The following DTWD2 variants were observed in gnomAD, a reference collection of about 807,000 sequenced individuals.
The protein encoded by DTWD2 is tRNA-uridine aminocarboxypropyltransferase 2.
DTWD2 carries 39 observed loss-of-function variants against 31.8 expected under a neutral mutation model. The ratio of observed to expected loss-of-function variants is 1.22; its 90% CI spans 0.95 to 1.60. DTWD2 has a LOEUF of 1.60. Among genes scored for constraint, DTWD2 ranks in the 40% most tolerant of loss-of-function variants. The pLI is 0.00. For synonymous variants in DTWD2, 180 were observed against 142.8 expected (o/e 1.26, Z -1.86); for missense variants, 515 against 381.5 (o/e 1.35, Z -2.92).
chr5:118,939,365 T>C (rs1754129447), intron 2 of DTWD2, 75 bp from the exon 3 acceptor site: 2 of 1,239,898 alleles, frequency 1.6e-6, no homozygotes, highest in South Asian at 1.8e-5. Context: ...ATAATGAACA[T>C]CTGATTCATA....
At chr5:118,860,245 T>G (rs907629105) in intron 4 of DTWD2, among the ~76,000 whole-genome samples, 54 of 149,952 alleles carry the variant, frequency 3.6e-4, no homozygotes, top group African/African-American at 1.2e-3. Flanking sequence ...ATTATAATCT[T>G]AAATGAATAT....
Position 118,938,653 on chromosome 5 carries a change from G to A in DTWD2, c.404+543C>T, listed in dbSNP as rs186360601. Among the ~76,000 whole-genome samples the A allele has an allele frequency of 1.5e-3, 232 of 152,100 alleles. 2 individuals carry two copies. Among genetic ancestry groups the A allele is most frequent in the African/African-American group, 5.4e-3 (223 of 41,498 alleles). ...CACTTGAGCCCAGGAGGTGGAGGCT[G>A]CAGTGAGCCAAAATTGCACCACTGC... On this transcript the variant is annotated intron_variant, in intron 3 of 5. Coordinates refer to ENST00000510708, the MANE Select transcript of DTWD2 (RefSeq NM_173666.4).
At chr5:118,881,885 G>T (rs560935850) in intron 4 of DTWD2, among the ~76,000 whole-genome samples, 5 of 152,142 alleles carry the variant, frequency 3.3e-5, no homozygotes, top group Non-Finnish European at 7.3e-5. Flanking sequence ...TTTGGGTGGG[G>T]ACACAGAGTC....
intron 1 of DTWD2, among the ~76,000 whole-genome samples, chr5:118,944,877 A>C (rs551523572): frequency 6.6e-6 from 1 of 152,152 alleles, no homozygotes; most frequent in Non-Finnish European, 1.5e-5. Context: ...AGTACCTCAA[A>C]ACAAAAATCT....
At position 118,871,328 on chromosome 5, in the gene DTWD2, C is replaced by T. The variant is rs146895105; in HGVS notation, c.598-23110G>A. The stretch of plus-strand genomic sequence containing the variant: ...TCCAAACTCCTGTTATTATTTTGAC[C>T]TCCTCCCACGAATCACAAATGTTCT... On this transcript the variant is annotated intron_variant, in intron 4 of 5. Coordinates refer to ENST00000510708, the MANE Select transcript of DTWD2 (RefSeq NM_173666.4). Among the ~76,000 whole-genome samples, 234 of 152,270 alleles carry T rather than the reference C, an allele frequency of 1.5e-3. 2 individuals carry two copies. The highest frequency in any genetic ancestry group is 5.4e-3 in the African/African-American group (225 of 41,572).
intron 4 of DTWD2, among the ~76,000 whole-genome samples, chr5:118,851,427 C>G (rs1281090746): frequency 2.0e-5 from 3 of 151,760 alleles, no homozygotes; most frequent in Non-Finnish European, 4.4e-5. Context: ...ACAAAACCAG[C>G]AAGTTTTATT....
intron 4 of DTWD2, among the ~76,000 whole-genome samples, chr5:118,904,135 T>C (rs1053862884): frequency 6.6e-6 from 1 of 152,076 alleles, no homozygotes; most frequent in African/African-American, 2.4e-5. Flanking sequence ...CCCAGGGCTG[T>C]TGAGATTATG....
chr5:118,875,126 A>C (rs1752592469), intron 4 of DTWD2, among the ~76,000 whole-genome samples: 1 of 152,168 alleles, frequency 6.6e-6, no homozygotes, highest in Admixed American at 6.5e-5. Flanking sequence ...CATACGGAGA[A>C]AAAAGTAAGA....
intron 1 of DTWD2, among the ~76,000 whole-genome samples, chr5:118,986,531 A>G (rs1039030325): frequency 6.6e-6 from 1 of 152,234 alleles, no homozygotes; most frequent in Admixed American, 6.5e-5. Flanking sequence ...AAATAGCCAA[A>G]TAACTGTGAC....
rs1751579148 is a variant in DTWD2, at chr5:118,836,752, G to A, written c.*4165C>T. 6.6e-6 allele frequency among the ~76,000 whole-genome samples: 1 copy of A among 152,114 alleles called. No homozygotes were observed. On this transcript the variant is annotated 3_prime_UTR_variant, in exon 6 of 6. Transcript: ENST00000510708. Reference sequence around the variant, plus strand: ...AGAGCTAGCTCGACCCTTCCACTAGGTGAAGACACAGCTAGAATGCACCAT... The same window carrying A: ...AGAGCTAGCTCGACCCTTCCACTAGATGAAGACACAGCTAGAATGCACCAT...
At chr5:118,857,596 T>C (rs1215253836) in intron 4 of DTWD2, among the ~76,000 whole-genome samples, 1 of 152,204 alleles carries the variant, frequency 6.6e-6, no homozygotes, top group Non-Finnish European at 1.5e-5. Context: ...TCTACTGTCT[T>C]TTGATGACTA....
chr5:118,846,681 T>C (rs1751859767), intron 5 of DTWD2, among the ~76,000 whole-genome samples: 1 of 152,056 alleles, frequency 6.6e-6, no homozygotes, highest in Non-Finnish European at 1.5e-5. Flanking sequence ...ATATATTTGC[T>C]TAAGAATATA....
At chr5:118,882,709 G>A (rs376516448) in intron 4 of DTWD2, among the ~76,000 whole-genome samples, 1 of 152,250 alleles carries the variant, frequency 6.6e-6, no homozygotes, top group Non-Finnish European at 1.5e-5. Flanking sequence ...AATGTTCTGA[G>A]CTGTACCTTA....
At chr5:118,954,563 G>C (rs541947850) in intron 1 of DTWD2, among the ~76,000 whole-genome samples, 2 of 152,232 alleles carry the variant, frequency 1.3e-5, no homozygotes, top group Non-Finnish European at 2.9e-5. Flanking sequence ...ACCCAGGCTG[G>C]AGTGCAGTGG....
intron 4 of DTWD2, among the ~76,000 whole-genome samples, chr5:118,909,091 T>A (rs1753400769): frequency 6.6e-6 from 1 of 152,190 alleles, no homozygotes; most frequent in South Asian, 2.1e-4. Flanking sequence ...AAGCACCAGT[T>A]TCTCCATCCT....
intron 4 of DTWD2, among the ~76,000 whole-genome samples, chr5:118,877,966 C>A (rs1291545197): frequency 6.6e-6 from 1 of 152,028 alleles, no homozygotes; most frequent in East Asian, 1.9e-4. Context: ...GAATAAAATA[C>A]CTAGGAATAC....
intron 4 of DTWD2, among the ~76,000 whole-genome samples, chr5:118,898,791 T>C (rs1261523013): frequency 6.6e-6 from 1 of 152,142 alleles, no homozygotes; most frequent in Non-Finnish European, 1.5e-5. Flanking sequence ...ACAGCTCTAA[T>C]TTTAATCACA....
In DTWD2 at chr5:118,988,433, T is replaced by A; in HGVS notation, c.79A>T (p.Asn27Tyr). ...PSGASSSQTP[N>Y]DKERREGGAV... ...CCGCCCTCCCGCCGCTCCTTGTCGT[T>A]CGGCGTCTGAGAGCTTGAGGCCCCA... The change falls in exon 1 of 6, where the codon AAC becomes TAC. Residue 27 changes from asparagine to tyrosine, a missense_variant. Coordinates refer to ENST00000510708, the MANE Select transcript of DTWD2 (RefSeq NM_173666.4). 6.2e-7 allele frequency: 1 copy of A among 1,607,348 alleles called. No homozygotes were observed.
intron 4 of DTWD2, among the ~76,000 whole-genome samples, chr5:118,898,020 T>C (rs1009598168): frequency 1.3e-5 from 2 of 152,080 alleles, no homozygotes; most frequent in African/African-American, 2.4e-5. Flanking sequence ...TGTGCCACCA[T>C]GCCCAGCTAA....
Sources: allele counts gnomAD v4.1 joint callset (sites outside exome capture counted in the v4.1 genomes callset), GRCh38; gene constraint gnomAD v4.1.1; transcripts MANE v1.5; gene names NCBI Gene and HGNC (gene_info 2026-07-23, HGNC 2026-07-21).